MAX: variants seen among roughly 807,000 people sequenced by gnomAD.
MAX encodes the protein protein max.
Under a neutral mutation model 22.3 loss-of-function variants are expected in MAX, and 3 were observed. The observed-to-expected ratio is 0.13, with a 90% CI of 0.06 to 0.35. The LOEUF (loss-of-function observed/expected upper bound fraction) is 0.35. MAX is among the 10% of genes least tolerant of loss of function. MAX has a pLI of 1.00. For synonymous variants in MAX, 72 were observed against 77.7 expected (o/e 0.93, Z 0.39); for missense variants, 119 against 209.4 (o/e 0.57, Z 2.66).
intron 3 of MAX, among the ~76,000 whole-genome samples, chr14:65,025,641 C>G (rs989994175): frequency 1.3e-5 from 2 of 151,902 alleles, no homozygotes; most frequent in Non-Finnish European, 2.9e-5. Flanking sequence ...ATGGCGAAAC[C>G]CCATCTTTAT....
chr14:65,032,782 A>C lies in MAX; in HGVS notation c.172-26498T>G. 6.1e-6 allele frequency: 8 copies of C among 1,319,406 alleles called. No individual in the cohort carries two copies. Among genetic ancestry groups the C allele is most frequent in the Non-Finnish European group, 8.2e-6 (8 of 972,314 alleles). 81.7% of individuals were successfully genotyped at this position (1,319,406 alleles called of 1,614,324 possible). On this transcript the variant is annotated intron_variant, in intron 3 of 3. Coordinates refer to the MAX transcript ENST00000341653. This position sits in a 1 kb window ranked among gnomAD's most constrained non-coding sequence, Gnocchi z 5.0. ...AGAAAAATAAAGAAAATGCAGAGGG[A>C]CTTGGAAGGAAATACAAAAATCACA...
At position 65,044,614 on chromosome 14, in the gene MAX, A is replaced by G; in HGVS notation, c.172-38330T>C. ...GTGGGGCATGCGAATGCAGAGTAAG[A>G]TTTAGTTTCATTGGTTTAGTGTCAT... On this transcript the variant is annotated intron_variant, in intron 3 of 3. Transcript: ENST00000341653. The surrounding 1 kb of genome is among the most constrained non-coding windows in gnomAD (Gnocchi z 5.5). The G allele has an allele frequency of 1.0e-6, 1 of 954,694 alleles. No homozygotes were observed. 59.1% of individuals were successfully genotyped at this position (954,694 alleles called of 1,614,324 possible).
intron 2 of MAX, among the ~76,000 whole-genome samples, chr14:65,095,996 G>A (rs75241333): frequency 6.6e-6 from 1 of 152,074 alleles, no homozygotes; most frequent in Non-Finnish European, 1.5e-5. Context: ...AGCTCTGAAA[G>A]GACTCAAATG....
Position 65,012,498 on chromosome 14 carries a change from CTTTG to C in MAX, c.172-6218_172-6215del. 8 of 1,417,264 alleles carry C rather than the reference CTTTG, an allele frequency of 5.6e-6. No homozygotes were observed. The South Asian group carries it at 9.9e-5, about 18-fold the overall frequency. 87.8% of individuals were successfully genotyped at this position (1,417,264 alleles called of 1,614,324 possible). A position where few individuals can be genotyped will look rare whatever the true frequency, so the allele number is the denominator to read the frequency against. ...GGGGCTGACCTGTTGCAGAGTCACTCTTTGTTCTCTGTGGCTCTGGCAGGAGGTA... is the reference window on the plus strand; with the variant it reads ...GGGGCTGACCTGTTGCAGAGTCACTCTTCTCTGTGGCTCTGGCAGGAGGTA... On this transcript the variant is annotated intron_variant, in intron 3 of 3. Coordinates refer to the MAX transcript ENST00000341653. The surrounding 1 kb of genome is among the most constrained non-coding windows in gnomAD (Gnocchi z 5.0).
rs112187159 is a variant in MAX at position 65,032,499 on chromosome 14, A to G, written c.172-26215T>C. On this transcript the variant is annotated intron_variant, in intron 3 of 3. Coordinates refer to the MAX transcript ENST00000341653. This position sits in a 1 kb window ranked among gnomAD's most constrained non-coding sequence, Gnocchi z 5.0. ...CTGACCGTGTGCCAAGAGTGAGGAC[A>G]GGAGGTGATTACAGCTTACTAGGCA... 5,861 of 1,118,900 alleles carry G rather than the reference A, an allele frequency of 5.2e-3. 222 individuals are homozygous for G. In the African/African-American group the frequency reaches 0.081, roughly 15 times the overall value. The allele number at this position is 1,118,900 out of a possible 1,614,324, so 69.3% of individuals were successfully genotyped here.
At chr14:65,008,590 A>G (rs1056382401) in intron 3 of MAX, among the ~76,000 whole-genome samples, 3 of 152,256 alleles carry the variant, frequency 2.0e-5, no homozygotes, top group Non-Finnish European at 4.4e-5. Context: ...ACAGAAAGTG[A>G]CATTTAAGCT....
At position 65,079,505 on chromosome 14, in the gene MAX, C is replaced by T. The variant is rs189964503; in HGVS notation, c.172-1469G>A. On this transcript the variant is annotated intron_variant, in intron 3 of 4. Transcript: ENST00000358664. This position sits in a 1 kb window ranked among gnomAD's most constrained non-coding sequence, Gnocchi z 4.5. ...AGTTACTTATGGCCAGGCAGCCAGC[C>T]AAACTGGTAGAATAGTACAAAGCCA... 4.2e-3 allele frequency among the ~76,000 whole-genome samples: 636 copies of T among 152,364 alleles called. 2 individuals carry two copies. The highest frequency in any genetic ancestry group is 7.3e-3 in the Non-Finnish European group (500 of 68,034).
At chr14:65,101,409 C>T (rs565011242) in intron 2 of MAX, 137 bp downstream of exon 2, 1 of 782,076 alleles carries the variant, frequency 1.3e-6, no homozygotes, top group African/African-American at 1.8e-5. Context: ...CAGAACCAGG[C>T]CCCACCTCAC....
chr14:65,093,926 G>A lies in MAX; in HGVS notation c.64-111C>T. 1 of 749,992 alleles carries A rather than the reference G, an allele frequency of 1.3e-6. No homozygotes were observed. Among genetic ancestry groups the A allele is most frequent in the Non-Finnish European group, 2.5e-6 (1 of 407,390 alleles). 46.5% of individuals were successfully genotyped at this position (749,992 alleles called of 1,614,324 possible). ...GCTGTCAGCACTGTCCCTGGCGAGT[G>A]GACTGGGAAGGATTTCTCGAGGTGG... On this transcript the variant is annotated intron_variant, in intron 2 of 4. Transcript: ENST00000358664. This position sits in a 1 kb window ranked among gnomAD's most constrained non-coding sequence, Gnocchi z 4.4.
intron 3 of MAX, among the ~76,000 whole-genome samples, chr14:65,017,744 T>G (rs2061805728): frequency 6.6e-6 from 1 of 151,770 alleles, no homozygotes; most frequent in South Asian, 2.1e-4. Context: ...TCACTTGAGG[T>G]CAGGAGTTTG....
chr14:65,054,612 G>A lies in MAX; in HGVS notation c.171+39096C>T, dbSNP rs1212071241. On this transcript the variant is annotated intron_variant, in intron 3 of 3. Transcript: ENST00000341653. This position sits in a 1 kb window ranked among gnomAD's most constrained non-coding sequence, Gnocchi z 4.4. ...CTACCACACCTGCTACTGCCTGAGC[G>A]GCCTGTCCATAGCCCAGCACTTCGG... 3 of 1,613,672 alleles carry A rather than the reference G, an allele frequency of 1.9e-6. No individual in the cohort carries two copies. The highest frequency in any genetic ancestry group is 1.3e-5 in the African/African-American group (1 of 74,896).
chr14:65,076,013 C>T lies in MAX; in HGVS notation c.*463G>A. The T allele has an allele frequency of 9.1e-7, 1 of 1,103,762 alleles. No homozygotes were observed. Among genetic ancestry groups the T allele is most frequent in the Non-Finnish European group, 1.1e-6 (1 of 902,908 alleles). 68.4% of individuals were successfully genotyped at this position (1,103,762 alleles called of 1,614,324 possible). A position where few individuals can be genotyped will look rare whatever the true frequency, so the allele number is the denominator to read the frequency against. On this transcript the variant is annotated 3_prime_UTR_variant, in exon 5 of 5. Coordinates refer to ENST00000358664, the MANE Select transcript of MAX (RefSeq NM_002382.5). This position sits in a 1 kb window ranked among gnomAD's most constrained non-coding sequence, Gnocchi z 6.6. ...GAGGGTTCATTCTGATTACTCCAAACCGGTCATCTTCTCAAAGTAGAGCAG... is the reference window on the plus strand; with the variant it reads ...GAGGGTTCATTCTGATTACTCCAAATCGGTCATCTTCTCAAAGTAGAGCAG...
At chr14:65,051,504 G>A (rs534055336) in intron 3 of MAX, among the ~76,000 whole-genome samples, 6 of 151,844 alleles carry the variant, frequency 4.0e-5, no homozygotes, top group Admixed American at 2.0e-4. Context: ...CCAGCTACTC[G>A]GGAGGCTGAG....
At position 65,038,944 on chromosome 14, in the gene MAX, T is replaced by C. The variant is rs565721109; in HGVS notation, c.172-32660A>G. On this transcript the variant is annotated intron_variant, in intron 3 of 3. Transcript: ENST00000341653. The stretch of plus-strand genomic sequence containing the variant: ...TGGGGATATTTTGTCCTCTCAATAG[T>C]CTTACTTCATATAATATTTTATCTA... 5.9e-5 allele frequency among the ~76,000 whole-genome samples: 9 copies of C among 152,336 alleles called. No individual in the cohort carries two copies. In the South Asian group the frequency reaches 1.0e-3, roughly 18 times the overall value.
Position 65,078,998 on chromosome 14 carries a change from C to T in MAX, c.172-962G>A, listed in dbSNP as rs143669054. The stretch of plus-strand genomic sequence containing the variant: ...GCCTGGCTTTAAACTCAGAGCCATC[C>T]GACTCCTGAACTGTACTCCTCCCAT... On this transcript the variant is annotated intron_variant, in intron 3 of 4. Transcript: ENST00000358664. The surrounding 1 kb of genome is among the most constrained non-coding windows in gnomAD (Gnocchi z 6.4). Among the ~76,000 whole-genome samples, 11 of 152,334 alleles carry T rather than the reference C, an allele frequency of 7.2e-5. No individual in the cohort carries two copies. The highest frequency in any genetic ancestry group is 2.1e-4 in the South Asian group (1 of 4,830).
intron 2 of MAX, among the ~76,000 whole-genome samples, chr14:65,095,684 T>C (rs1416925075): frequency 6.6e-6 from 1 of 152,192 alleles, no homozygotes; most frequent in Non-Finnish European, 1.5e-5. Flanking sequence ...TTTATTTACA[T>C]GCAAATTAAT....
chr14:65,101,776 C>T (rs2063849041), intron 1 of MAX: 1 of 599,286 alleles, frequency 1.7e-6, no homozygotes, highest in Non-Finnish European at 2.9e-6. Context: ...TCCCGAGCGC[C>T]GCCCCTCCTT....
intron 3 of MAX, among the ~76,000 whole-genome samples, chr14:65,086,887 T>C (rs143058499): frequency 6.6e-6 from 1 of 152,292 alleles, no homozygotes; most frequent in African/African-American, 2.4e-5. Flanking sequence ...GCTGTTCCCA[T>C]CACAGACCCA....
chr14:65,054,371 G>T lies in MAX; in HGVS notation c.171+39337C>A, dbSNP rs943453973. On this transcript the variant is annotated intron_variant, in intron 3 of 3. Transcript: ENST00000341653. This position sits in a 1 kb window ranked among gnomAD's most constrained non-coding sequence, Gnocchi z 4.4. ...AACCGTTCTCTTGCCTCAGCCTCCT[G>T]CTTGCTGGGATTATGGGTGTGAGCC... Among the ~76,000 whole-genome samples the T allele has an allele frequency of 1.3e-5, 2 of 151,666 alleles. No individual in the cohort carries two copies. The highest frequency in any genetic ancestry group is 4.8e-5 in the African/African-American group (2 of 41,296).
Sources: allele counts gnomAD v4.1 joint callset (sites outside exome capture counted in the v4.1 genomes callset), GRCh38; gene constraint gnomAD v4.1.1; non-coding constraint Gnocchi (gnomAD v3.1); transcripts MANE v1.5; gene names NCBI Gene and HGNC (gene_info 2026-07-23, HGNC 2026-07-21).